CLSTN2: variants seen among roughly 807,000 people sequenced by gnomAD.
The protein encoded by CLSTN2 is calsyntenin-2.
A neutral mutation model predicts 101.2 loss-of-function variants in CLSTN2; 48 were observed. That is an observed-to-expected ratio of 0.47 (90% CI 0.38 to 0.60). CLSTN2 has a LOEUF of 0.60. Among genes scored for constraint, CLSTN2 ranks in the 20% least tolerant of loss-of-function variants. The pLI is 0.00. For missense variants in CLSTN2, 1,160 were observed against 1,238.2 expected (o/e 0.94, Z 0.95); for synonymous variants, 481 against 463.6 (o/e 1.04, Z -0.48).
chr3:140,151,201 G>A (rs1036170469), intron 1 of CLSTN2, among the ~76,000 whole-genome samples: 20 of 152,084 alleles, frequency 1.3e-4, no homozygotes, highest in African/African-American at 4.3e-4. Context: ...GCTTCAGGAA[G>A]GTTTGCTTTT....
At chr3:140,042,821 G>T (rs548832947) in intron 1 of CLSTN2, among the ~76,000 whole-genome samples, 15 of 152,210 alleles carry the variant, frequency 9.9e-5, no homozygotes, top group African/African-American at 3.6e-4. Context: ...ATGGTTTGCA[G>T]CTTCATCCAT....
At chr3:140,381,587 C>T (rs1002496493) in intron 2 of CLSTN2, among the ~76,000 whole-genome samples, 2 of 152,198 alleles carry the variant, frequency 1.3e-5, no homozygotes, top group Non-Finnish European at 2.9e-5. Context: ...TGTGAGTTCT[C>T]ATTGTTCCAC....
chr3:140,431,948 T>A (rs987811144), intron 5 of CLSTN2, among the ~76,000 whole-genome samples: 3 of 152,116 alleles, frequency 2.0e-5, no homozygotes, highest in African/African-American at 7.2e-5. Flanking sequence ...AAAATTTAAA[T>A]CCCTATGCAA....
At chr3:140,326,566 A>G (rs1271052926) in intron 2 of CLSTN2, among the ~76,000 whole-genome samples, 2 of 152,230 alleles carry the variant, frequency 1.3e-5, no homozygotes, top group African/African-American at 4.8e-5. Flanking sequence ...TCACATTAAC[A>G]CATGGCGTAT....
At chr3:140,437,393 C>A (rs1417795489) in intron 5 of CLSTN2, among the ~76,000 whole-genome samples, 1 of 152,192 alleles carries the variant, frequency 6.6e-6, no homozygotes, top group South Asian at 2.1e-4. Context: ...AATCTTCCAC[C>A]CTTGGTGAGC....
intron 1 of CLSTN2, among the ~76,000 whole-genome samples, chr3:140,077,947 G>A (rs538420909): frequency 2.6e-5 from 4 of 152,202 alleles, no homozygotes; most frequent in Non-Finnish European, 5.9e-5. Context: ...CTTCTCAAGG[G>A]AAGTTGTAGG....
chr3:140,151,659 G>A (rs1004204868), intron 1 of CLSTN2, among the ~76,000 whole-genome samples: 2 of 152,094 alleles, frequency 1.3e-5, no homozygotes, highest in African/African-American at 4.8e-5. Context: ...TATCTCTTGT[G>A]TATAAGCTTA....
intron 8 of CLSTN2, among the ~76,000 whole-genome samples, chr3:140,489,533 G>A (rs1324085432): frequency 6.6e-6 from 1 of 152,076 alleles, no homozygotes; most frequent in Non-Finnish European, 1.5e-5. Context: ...ACAGAAGACT[G>A]TCTGGGAGGG....
chr3:140,474,049 C>T (rs1933921506), intron 8 of CLSTN2, among the ~76,000 whole-genome samples: 1 of 152,192 alleles, frequency 6.6e-6, no homozygotes, highest in African/African-American at 2.4e-5. Context: ...GCTGGGATTA[C>T]AGGCATAAGC....
Position 140,345,148 on chromosome 3 carries a change from T to C in CLSTN2, c.233-58481T>C, listed in dbSNP as rs187260026. The stretch of plus-strand genomic sequence containing the variant: ...GCCTTTTGTTTCCCTCATTTTTCCT[T>C]ACATGAGGAGTAGGTTTGTTTCTTG... On this transcript the variant is annotated intron_variant, in intron 2 of 16. Transcript: ENST00000458420. Among the ~76,000 whole-genome samples the C allele has an allele frequency of 2.0e-5, 3 of 152,282 alleles. No homozygotes were observed. The East Asian group carries it at 5.8e-4, about 29-fold the overall frequency.
intron 2 of CLSTN2, among the ~76,000 whole-genome samples, chr3:140,229,365 C>T (rs1444473487): frequency 6.6e-6 from 1 of 152,080 alleles, no homozygotes; most frequent in Non-Finnish European, 1.5e-5. Flanking sequence ...AGGAACAGTC[C>T]ACTGTTCCAC....
intron 2 of CLSTN2, among the ~76,000 whole-genome samples, chr3:140,389,017 G>A (rs537739981): frequency 1.3e-4 from 20 of 152,148 alleles, no homozygotes; most frequent in Non-Finnish European, 2.4e-4. Context: ...ATGGAATCTT[G>A]TGTTTCTGTG....
chr3:140,474,100 G>T (rs1354809729), intron 8 of CLSTN2, among the ~76,000 whole-genome samples: 1 of 152,122 alleles, frequency 6.6e-6, no homozygotes, highest in African/African-American at 2.4e-5. Context: ...AAGCCACAAA[G>T]TTTGTGGTAA....
chr3:140,448,244 CTCA>C (rs1933143134), intron 5 of CLSTN2, among the ~76,000 whole-genome samples: 1 of 136,056 alleles, frequency 7.3e-6, no homozygotes, highest in Non-Finnish European at 1.6e-5. Context: ...TGTGTGTGTG[CTCA>C]TGTGAGTATG....
intron 8 of CLSTN2, among the ~76,000 whole-genome samples, chr3:140,492,883 GC>G (rs1266285516): frequency 6.6e-6 from 1 of 152,082 alleles, no homozygotes; most frequent in African/African-American, 2.4e-5. Context: ...CAGACAAACT[GC>G]CCCCGCAGGA....
chr3:140,435,991 G>A (rs745986141), intron 5 of CLSTN2, among the ~76,000 whole-genome samples: 6 of 152,200 alleles, frequency 3.9e-5, no homozygotes, highest in Non-Finnish European at 7.3e-5. Context: ...CAGAGGGGTA[G>A]TTGGCATAGA....
intron 6 of CLSTN2, among the ~76,000 whole-genome samples, chr3:140,451,215 A>G (rs1933243735): frequency 6.6e-6 from 1 of 152,222 alleles, no homozygotes; most frequent in Admixed American, 6.5e-5. Flanking sequence ...GCCCAAGGGC[A>G]TGCACTTGTG....
intron 2 of CLSTN2, among the ~76,000 whole-genome samples, chr3:140,314,962 A>G (rs973942278): frequency 3.9e-5 from 6 of 152,196 alleles, no homozygotes; most frequent in African/African-American, 1.2e-4. Flanking sequence ...CCAGAGAAAT[A>G]TCCTTGAGGG....
At chr3:139,959,979 T>G (rs1935478532) in intron 1 of CLSTN2, among the ~76,000 whole-genome samples, 1 of 152,196 alleles carries the variant, frequency 6.6e-6, no homozygotes, top group South Asian at 2.1e-4. Flanking sequence ...TTGTATCCAT[T>G]CTAAAATCCA....
Sources: allele counts gnomAD v4.1 joint callset (sites outside exome capture counted in the v4.1 genomes callset), GRCh38; gene constraint gnomAD v4.1.1; transcripts MANE v1.5; gene names NCBI Gene and HGNC (gene_info 2026-07-23, HGNC 2026-07-21).